The following SLC5A3 variants were observed in gnomAD, a reference collection of about 807,000 sequenced individuals.
The protein encoded by SLC5A3 is sodium/myo-inositol cotransporter.
SLC5A3 carries 10 observed loss-of-function variants against 43.2 expected under a neutral mutation model. That is an observed-to-expected ratio of 0.23 (90% CI 0.14 to 0.39). The LOEUF is 0.39. SLC5A3 is among the 10% of genes least tolerant of loss of function. The pLI, the probability that SLC5A3 is intolerant of heterozygous loss-of-function variation, is 1.00. For synonymous variants in SLC5A3, 349 were observed against 322.0 expected, an observed-to-expected ratio of 1.08 and a Z score of -0.90; for missense variants, 608 against 893.4, an observed-to-expected ratio of 0.68 and a Z score of 4.07.
At position 34,096,647 on chromosome 21, in the gene SLC5A3, C is replaced by G. The variant is rs151207838; in HGVS notation, c.1449C>G (p.Val483=). Residue 483 remains valine, a synonymous_variant, in exon 2 of 2, where the codon GTC becomes GTG. Coordinates refer to ENST00000381151, the MANE Select transcript of SLC5A3 (RefSeq NM_006933.7). The surrounding 1 kb of genome is among the most constrained non-coding windows in gnomAD (Gnocchi z 5.9). ...GGMAGFVLGA[V]RLILAFAYRA... is the part of the protein sequence containing the mutation. Reference sequence around the variant, plus strand: ...TGGCTGGCTTTGTTCTTGGAGCAGTCCGTTTGATACTGGCCTTTGCCTACC... The same window carrying G: ...TGGCTGGCTTTGTTCTTGGAGCAGTGCGTTTGATACTGGCCTTTGCCTACC... 20 of 1,614,036 alleles carry G rather than the reference C, an allele frequency of 1.2e-5. No homozygotes were observed. The African/African-American group carries it at 2.1e-4, about 17-fold the overall frequency.
In SLC5A3 at chr21:34,099,544, T is replaced by C; in HGVS notation, c.*2189T>C. The C allele has an allele frequency of 2.0e-6, 2 of 999,984 alleles. No individual in the cohort carries two copies. The highest frequency in any genetic ancestry group is 1.2e-6 in the Non-Finnish European group (1 of 829,858). 61.9% of individuals were successfully genotyped at this position (999,984 alleles called of 1,614,324 possible). ...CTGTGTAATTCACTGATAATTGACA[T>C]ATTGGCTGGGCAGCCTATCTCTTCC... On this transcript the variant is annotated 3_prime_UTR_variant, in exon 2 of 2. Transcript: ENST00000381151.
chr21:34,102,839 T>G lies in SLC5A3; in HGVS notation c.*5484T>G. On this transcript the variant is annotated 3_prime_UTR_variant, in exon 2 of 2. Transcript: ENST00000381151. ...AGCTTTTCCCCTCACTTCTAGGTTG[T>G]TTACATTCAGAGCTCTATCAATAAG... 1 of 1,000,138 alleles carries G rather than the reference T, an allele frequency of 1.0e-6. No individual in the cohort carries two copies. The highest frequency in any genetic ancestry group is 1.2e-6 in the Non-Finnish European group (1 of 829,938). The allele number at this position is 1,000,138 out of a possible 1,614,324, so 62.0% of individuals were successfully genotyped here. A position where few individuals can be genotyped will look rare whatever the true frequency, so the allele number is the denominator to read the frequency against.
intron 1 of SLC5A3, among the ~76,000 whole-genome samples, chr21:34,075,850 G>T (rs1395996309): frequency 2.0e-5 from 3 of 152,164 alleles, no homozygotes; most frequent in South Asian, 4.1e-4. Flanking sequence ...TGTTTGGGGG[G>T]AAACGAATTT....
Position 34,102,763 on chromosome 21 carries a change from G to T in SLC5A3, c.*5408G>T, listed in dbSNP as rs1453261117. 2.0e-6 allele frequency: 2 copies of T among 999,956 alleles called. No homozygotes were observed. The highest frequency in any genetic ancestry group is 2.4e-6 in the Non-Finnish European group (2 of 829,880). The allele number at this position is 999,956 out of a possible 1,614,324, so 61.9% of individuals were successfully genotyped here. A position where few individuals can be genotyped will look rare whatever the true frequency, so the allele number is the denominator to read the frequency against. ...TTCGTAGTGTGGGAACAGTGGTTTT[G>T]CTCTATACCACTGAAAAGCACTATA... On this transcript the variant is annotated 3_prime_UTR_variant, in exon 2 of 2. Transcript: ENST00000381151.
In SLC5A3 at chr21:34,097,752, C is replaced by G; in HGVS notation, c.*397C>G. 1.0e-6 allele frequency: 1 copy of G among 1,003,770 alleles called. No individual in the cohort carries two copies. Among genetic ancestry groups the G allele is most frequent in the Non-Finnish European group, 1.2e-6 (1 of 832,142 alleles). The allele number at this position is 1,003,770 out of a possible 1,614,324, so 62.2% of individuals were successfully genotyped here. On this transcript the variant is annotated 3_prime_UTR_variant, in exon 2 of 2. Transcript: ENST00000381151. ...TTTGCTCATTTCTAAATTTTTTTTT[C>G]TGTCTCTGTAATCCCTCCTACCATT...
chr21:34,105,484 A>T lies in SLC5A3; in HGVS notation c.*8129A>T, dbSNP rs1979436492. ...CTGCTGCTTTTATCTAGTAATTTTG[A>T]TATGTAAGTATTAATGCATTTTTAA... On this transcript the variant is annotated 3_prime_UTR_variant, in exon 2 of 2. Transcript: ENST00000381151. 1.0e-6 allele frequency: 1 copy of T among 999,812 alleles called. No individual in the cohort carries two copies. The highest frequency in any genetic ancestry group is 1.1e-4 in the East Asian group (1 of 8,820). 61.9% of individuals were successfully genotyped at this position (999,812 alleles called of 1,614,324 possible).
At chr21:34,074,867 G>C (rs1286195515) in intron 1 of SLC5A3, among the ~76,000 whole-genome samples, 1 of 152,292 alleles carries the variant, frequency 6.6e-6, no homozygotes, top group African/African-American at 2.4e-5. Context: ...ATCACGGAGC[G>C]TCGGGAGATT....
Position 34,104,665 on chromosome 21 carries a change from A to G in SLC5A3, c.*7310A>G. 2 of 1,000,300 alleles carry G rather than the reference A, an allele frequency of 2.0e-6. No individual in the cohort carries two copies. Among genetic ancestry groups the G allele is most frequent in the Non-Finnish European group, 1.2e-6 (1 of 829,996 alleles). 62.0% of individuals were successfully genotyped at this position (1,000,300 alleles called of 1,614,324 possible). ...AGCTAGCCAGGAATGAGCCTACCAC[A>G]TTATTTGAGAATATCAAACCTCAGG... On this transcript the variant is annotated 3_prime_UTR_variant, in exon 2 of 2. Transcript: ENST00000381151.
Position 34,095,065 on chromosome 21 carries a change from A to C in SLC5A3, c.-134A>C. The stretch of plus-strand genomic sequence containing the variant: ...ATCAAGACAGCAAACCAAAGGACAA[A>C]GACTTTGACCCTGCTGTGTTGCTCT... On this transcript the variant is annotated 5_prime_UTR_variant, in exon 2 of 2. Transcript: ENST00000381151. 9.7e-7 allele frequency: 1 copy of C among 1,031,088 alleles called. No homozygotes were observed. The highest frequency in any genetic ancestry group is 1.3e-6 in the Non-Finnish European group (1 of 787,342). 63.9% of individuals were successfully genotyped at this position (1,031,088 alleles called of 1,614,324 possible). A position where few individuals can be genotyped will look rare whatever the true frequency, so the allele number is the denominator to read the frequency against.
At chr21:34,074,637 G>C (rs1989280713) in intron 1 of SLC5A3, among the ~76,000 whole-genome samples, 1 of 152,178 alleles carries the variant, frequency 6.6e-6, no homozygotes, top group East Asian at 1.9e-4. Flanking sequence ...CCATTCTCCC[G>C]TGAATTCGGA....
rs1979084305 is a variant in SLC5A3 at position 34,098,648 on chromosome 21, G to A, written c.*1293G>A. The A allele has an allele frequency of 1.0e-6, 1 of 1,000,250 alleles. No homozygotes were observed. The highest frequency in any genetic ancestry group is 4.7e-5 in the South Asian group (1 of 21,284). 62.0% of individuals were successfully genotyped at this position (1,000,250 alleles called of 1,614,324 possible). On this transcript the variant is annotated 3_prime_UTR_variant, in exon 2 of 2. Coordinates refer to ENST00000381151, the MANE Select transcript of SLC5A3 (RefSeq NM_006933.7). Reference sequence around the variant, plus strand: ...AGGATGGATAGCATGTTTGAGAGGTGCCAAACAAGAACTTTTGGGGTTAGT... The same window carrying A: ...AGGATGGATAGCATGTTTGAGAGGTACCAAACAAGAACTTTTGGGGTTAGT...
In SLC5A3 at chr21:34,097,504, T is replaced by C; in HGVS notation, c.*149T>C. 1 of 1,412,292 alleles carries C rather than the reference T, an allele frequency of 7.1e-7. No individual in the cohort carries two copies. The highest frequency in any genetic ancestry group is 1.5e-5 in the African/African-American group (1 of 68,900). The allele number at this position is 1,412,292 out of a possible 1,614,324, so 87.5% of individuals were successfully genotyped here. On this transcript the variant is annotated 3_prime_UTR_variant, in exon 2 of 2. Transcript: ENST00000381151. ...GCAGAAAATCATCTAATTACAAGAC[T>C]TTATTTTCCCAGAGATGGATTAAAG...
Position 34,106,231 on chromosome 21 carries a change from G to C in SLC5A3, c.*8876G>C, listed in dbSNP as rs977133083. Reference sequence around the variant, plus strand: ...ATTTTATGGAAATGTTAGCAATTCTGTACCAACTTTGAATAAAATGAAAAA... The same window carrying C: ...ATTTTATGGAAATGTTAGCAATTCTCTACCAACTTTGAATAAAATGAAAAA... On this transcript the variant is annotated 3_prime_UTR_variant, in exon 2 of 2. Transcript: ENST00000381151. The C allele has an allele frequency of 1.1e-6, 1 of 933,968 alleles. No homozygotes were observed. The highest frequency in any genetic ancestry group is 1.8e-5 in the African/African-American group (1 of 55,898). 57.9% of individuals were successfully genotyped at this position (933,968 alleles called of 1,614,324 possible).
At chr21:34,093,971 T>A (rs942666723) in intron 1 of SLC5A3, among the ~76,000 whole-genome samples, 3 of 152,174 alleles carry the variant, frequency 2.0e-5, no homozygotes, top group Admixed American at 1.3e-4. Flanking sequence ...CTCCCTCTTT[T>A]CTCTGCTTCT....
chr21:34,100,876 A>C lies in SLC5A3; in HGVS notation c.*3521A>C, dbSNP rs781109866. The stretch of plus-strand genomic sequence containing the variant: ...CACCAAATAAAGCGGCTTATTAGCT[A>C]CTCAGTTACTTGCTACTCAAAGGTT... On this transcript the variant is annotated 3_prime_UTR_variant, in exon 2 of 2. Transcript: ENST00000381151. 1.0e-6 allele frequency: 1 copy of C among 999,996 alleles called. No individual in the cohort carries two copies. The highest frequency in any genetic ancestry group is 6.2e-5 in the Admixed American group (1 of 16,240). 61.9% of individuals were successfully genotyped at this position (999,996 alleles called of 1,614,324 possible). A position where few individuals can be genotyped will look rare whatever the true frequency, so the allele number is the denominator to read the frequency against.
Position 34,102,065 on chromosome 21 carries a change from C to G in SLC5A3, c.*4710C>G, listed in dbSNP as rs1010935717. On this transcript the variant is annotated 3_prime_UTR_variant, in exon 2 of 2. Coordinates refer to ENST00000381151, the MANE Select transcript of SLC5A3 (RefSeq NM_006933.7). ...GCTGGATTGTGAAAAGGTAATCTTT[C>G]GATTGCTAGACTTGGTTAACTTAGG... is the stretch of plus-strand genomic sequence containing the variant. The G allele has an allele frequency of 8.6e-5, 86 of 999,858 alleles. No homozygotes were observed. In the African/African-American group the frequency reaches 1.4e-3, roughly 17 times the overall value. 61.9% of individuals were successfully genotyped at this position (999,858 alleles called of 1,614,324 possible).
chr21:34,095,724 G>A lies in SLC5A3; in HGVS notation c.526G>A (p.Gly176Arg). 2 of 1,612,138 alleles carry A rather than the reference G, an allele frequency of 1.2e-6. No individual in the cohort carries two copies. The highest frequency in any genetic ancestry group is 1.7e-6 in the Non-Finnish European group (2 of 1,179,120). The change falls in exon 2 of 2, where the codon GGA becomes AGA. Residue 176 changes from glycine to arginine, a missense_variant. Transcript: ENST00000381151. ...CATGACTGCTTTGCTGACTGTCACCGGAGGCCTTGTTGCAGTGATCTACAC... is the reference window on the plus strand; with the variant it reads ...CATGACTGCTTTGCTGACTGTCACCAGAGGCCTTGTTGCAGTGATCTACAC... ...IGMTALLTVTGGLVAVIYTDT... is the reference protein window; with the variant it reads ...IGMTALLTVTRGLVAVIYTDT...
rs1979191557 is a variant in SLC5A3 at position 34,100,590 on chromosome 21, A to G, written c.*3235A>G. The G allele has an allele frequency of 9.0e-6, 9 of 1,000,268 alleles. No homozygotes were observed. The highest frequency in any genetic ancestry group is 1.1e-5 in the Non-Finnish European group (9 of 829,998). 62.0% of individuals were successfully genotyped at this position (1,000,268 alleles called of 1,614,324 possible). A position where few individuals can be genotyped will look rare whatever the true frequency, so the allele number is the denominator to read the frequency against. ...AGAGCCTGGCCAGGGTCATGTAGCC[A>G]TAGCTCTTAGGGATGATACCTCAAG... On this transcript the variant is annotated 3_prime_UTR_variant, in exon 2 of 2. Transcript: ENST00000381151.
chr21:34,098,379 T>C lies in SLC5A3; in HGVS notation c.*1024T>C. Reference sequence around the variant, plus strand: ...TGTGTGCTGGATTGCTCTACTTGATTAGATCATGATATATCAAGGTTGAAT... The same window carrying C: ...TGTGTGCTGGATTGCTCTACTTGATCAGATCATGATATATCAAGGTTGAAT... On this transcript the variant is annotated 3_prime_UTR_variant, in exon 2 of 2. Coordinates refer to ENST00000381151, the MANE Select transcript of SLC5A3 (RefSeq NM_006933.7). 1.0e-6 allele frequency: 1 copy of C among 1,000,314 alleles called. No homozygotes were observed. The highest frequency in any genetic ancestry group is 1.2e-6 in the Non-Finnish European group (1 of 830,006). 62.0% of individuals were successfully genotyped at this position (1,000,314 alleles called of 1,614,324 possible).
Sources: allele counts gnomAD v4.1 joint callset (sites outside exome capture counted in the v4.1 genomes callset), GRCh38; gene constraint gnomAD v4.1.1; non-coding constraint Gnocchi (gnomAD v3.1); transcripts MANE v1.5; gene names NCBI Gene and HGNC (gene_info 2026-07-23, HGNC 2026-07-21).